The following WDFY3 variants were observed in gnomAD, a reference collection of about 807,000 sequenced individuals.
WDFY3 encodes WD repeat and FYVE domain containing 3.
WDFY3 carries 66 observed loss-of-function variants against 409.6 expected under a neutral mutation model. That is an observed-to-expected ratio of 0.16 (90% CI 0.13 to 0.20). The LOEUF is 0.20. WDFY3 is among the 10% of genes least tolerant of loss of function. The pLI is 1.00. For missense variants in WDFY3, 3,031 were observed against 4,298.1 expected, an observed-to-expected ratio of 0.71 and a Z score of 8.24; for synonymous variants, 1,521 against 1,537.1, an observed-to-expected ratio of 0.99 and a Z score of 0.25.
At chr4:84,790,226 T>C (rs1007359166) in intron 21 of WDFY3, among the ~76,000 whole-genome samples, 3 of 152,042 alleles carry the variant, frequency 2.0e-5, no homozygotes, top group Non-Finnish European at 2.9e-5. Flanking sequence ...GGCGCGCGTC[T>C]GTAGTTCCAG....
chr4:84,748,011 A>G (rs184217509), intron 36 of WDFY3, among the ~76,000 whole-genome samples: 35 of 152,238 alleles, frequency 2.3e-4, no homozygotes, highest in Middle Eastern at 3.4e-3. Context: ...ACTCCAAGTC[A>G]GCACCCTCTC....
intron 48 of WDFY3, 25 bp downstream of exon 48, chr4:84,718,397 T>G: frequency 1.2e-6 from 2 of 1,605,198 alleles, no homozygotes; most frequent in African/African-American, 1.3e-5. Flanking sequence ...AGCCATACAT[T>G]ATGTCTCTTC....
intron 37 of WDFY3, among the ~76,000 whole-genome samples, chr4:84,743,415 T>C (rs952632788): frequency 6.6e-6 from 1 of 152,188 alleles, no homozygotes; most frequent in Non-Finnish European, 1.5e-5. Context: ...GTGGTCCATA[T>C]GAACAAGAAT....
At chr4:84,822,074 C>T (rs369285453) in intron 10 of WDFY3, among the ~76,000 whole-genome samples, 2 of 151,966 alleles carry the variant, frequency 1.3e-5, no homozygotes, top group African/African-American at 2.4e-5. Flanking sequence ...GTTTTGTTTT[C>T]TAGCTAACAG....
intron 16 of WDFY3, among the ~76,000 whole-genome samples, chr4:84,802,709 A>G (rs1441878353): frequency 6.6e-6 from 1 of 152,140 alleles, no homozygotes; most frequent in Non-Finnish European, 1.5e-5. Context: ...AGGCAGCTGG[A>G]CTCTATTCTC....
intron 18 of WDFY3, among the ~76,000 whole-genome samples, 183 bp downstream of exon 18, chr4:84,797,813 C>T (rs1413419400): frequency 2.6e-5 from 4 of 151,974 alleles, no homozygotes; most frequent in East Asian, 1.9e-4. Context: ...CCTCGTGATC[C>T]GCCCGTCTCG....
intron 1 of WDFY3, among the ~76,000 whole-genome samples, chr4:84,949,135 T>C (rs1773284643): frequency 2.0e-5 from 3 of 152,276 alleles, no homozygotes; most frequent in Admixed American, 1.3e-4. Flanking sequence ...TCCTGCATAA[T>C]AGTTACCTCT....
At chr4:84,724,698 G>A in intron 45 of WDFY3, 104 bp from the exon 46 acceptor site, 1 of 1,312,800 alleles carries the variant, frequency 7.6e-7, no homozygotes. Context: ...CCTTTTTAAA[G>A]GGGCTTTTCA....
At position 84,669,690 on chromosome 4, in the gene WDFY3, A is replaced by T. The variant is rs1725182457; in HGVS notation, c.*3178T>A. 2 of 147,688 alleles carry T rather than the reference A, an allele frequency of 1.4e-5. No individual in the cohort carries two copies. Among genetic ancestry groups the T allele is most frequent in the Admixed American group, 1.4e-4 (2 of 14,470 alleles). The allele number at this position is 147,688 out of a possible 1,614,324, so 9.1% of individuals were successfully genotyped here. On this transcript the variant is annotated 3_prime_UTR_variant, in exon 68 of 68. Transcript: ENST00000295888. ...TATACAATGAACATTCAGATATCAC[A>T]GACTGCACACTAGATAGTAATTCTT...
At chr4:84,767,290 A>G (rs1743833279) in intron 30 of WDFY3, among the ~76,000 whole-genome samples, 9 of 152,270 alleles carry the variant, frequency 5.9e-5, no homozygotes, top group Admixed American at 4.6e-4. Context: ...CAGTGAACTT[A>G]GTCAAAAAAT....
chr4:84,888,746 T>C (rs1286450159), intron 3 of WDFY3, among the ~76,000 whole-genome samples: 1 of 152,086 alleles, frequency 6.6e-6, no homozygotes, highest in Non-Finnish European at 1.5e-5. Flanking sequence ...ATTTTGGACA[T>C]CCAGCTGTCA....
chr4:84,683,527 A>T (rs1727760367), intron 63 of WDFY3, among the ~76,000 whole-genome samples: 1 of 152,222 alleles, frequency 6.6e-6, no homozygotes, highest in South Asian at 2.1e-4. Flanking sequence ...CTGGGATCCT[A>T]GCTGGGGATC....
intron 36 of WDFY3, among the ~76,000 whole-genome samples, chr4:84,744,459 C>T (rs1045867571): frequency 3.9e-5 from 6 of 151,996 alleles, no homozygotes; most frequent in African/African-American, 7.3e-5. Context: ...AAACACATAG[C>T]GTCAAGTGCC....
chr4:84,931,890 T>A (rs1770812368), intron 2 of WDFY3, among the ~76,000 whole-genome samples: 1 of 151,952 alleles, frequency 6.6e-6, no homozygotes, highest in Admixed American at 6.6e-5. Context: ...GAAACTACAA[T>A]ACAATGGATT....
At chr4:84,962,383 G>A (rs935592317) in intron 1 of WDFY3, among the ~76,000 whole-genome samples, 5 of 152,080 alleles carry the variant, frequency 3.3e-5, no homozygotes, top group Admixed American at 6.6e-5. Context: ...CTAAGTGCAA[G>A]GGAACACGAA....
chr4:84,821,660 T>G (rs914825671), intron 10 of WDFY3, 109 bp from the exon 11 acceptor site: 2 of 932,398 alleles, frequency 2.1e-6, no homozygotes, highest in Middle Eastern at 3.4e-4. Flanking sequence ...AATTATTTAC[T>G]AAGAACATAA....
intron 36 of WDFY3, among the ~76,000 whole-genome samples, chr4:84,744,852 CAAAAAAAAAAAAAA>C (rs1165273561): frequency 6.3e-4 from 10 of 15,764 alleles, no homozygotes; most frequent in African/African-American, 7.4e-4. Flanking sequence ...GACTCCGTCT[CAAAAAAAAAAAAAA>C]AAAAAAAAAA....
chr4:84,769,802 T>C (rs1485209046), intron 30 of WDFY3, among the ~76,000 whole-genome samples: 2 of 152,144 alleles, frequency 1.3e-5, no homozygotes, highest in African/African-American at 2.4e-5. Flanking sequence ...ATGTGTACCA[T>C]ATGTAATGAC....
At chr4:84,883,066 C>A (rs1168781393) in intron 3 of WDFY3, among the ~76,000 whole-genome samples, 1 of 152,070 alleles carries the variant, frequency 6.6e-6, no homozygotes, top group Non-Finnish European at 1.5e-5. Flanking sequence ...TATTTATATT[C>A]TCATGGCTGG....
Sources: gnomAD v4.1 joint callset for allele counts (sites outside exome capture counted in the v4.1 genomes callset) on GRCh38, gnomAD v4.1.1 for gene constraint, MANE v1.5 for transcripts, NCBI Gene and HGNC (gene_info 2026-07-23, HGNC 2026-07-21) for gene names.